OLFML2A: variants seen among roughly 807,000 people sequenced by gnomAD.
OLFML2A encodes the protein olfactomedin like 2A, also known as olfactomedin-like protein 2A.
In OLFML2A, 47 loss-of-function variants were observed where a neutral mutation model predicts 60.9. The observed-to-expected ratio is 0.77, with a 90% CI of 0.61 to 0.98. The LOEUF is 0.98. OLFML2A is among the 50% of genes least tolerant of loss of function. The probability of loss-of-function intolerance (pLI) is 0.00; values close to 1 mark genes in which losing one functional copy is unlikely to be tolerated. For missense variants in OLFML2A, 922 were observed against 879.8 expected, an observed-to-expected ratio of 1.05 and a Z score of -0.61; for synonymous variants, 372 against 375.0, an observed-to-expected ratio of 0.99 and a Z score of 0.09.
At chr9:124,800,508 C>T (rs1289034040) in intron 4 of OLFML2A, among the ~76,000 whole-genome samples, 1 of 152,228 alleles carries the variant, frequency 6.6e-6, no homozygotes, top group Non-Finnish European at 1.5e-5. Context: ...GCCAGGTCTG[C>T]GTGACTGCCA....
chr9:124,809,246 A>G (rs1411001659), intron 7 of OLFML2A, among the ~76,000 whole-genome samples: 11 of 152,186 alleles, frequency 7.2e-5, no homozygotes, highest in African/African-American at 2.2e-4. Context: ...CTTTCTGCTC[A>G]AGCAGCGCAC....
chr9:124,809,627 C>G (rs568815588), intron 7 of OLFML2A, among the ~76,000 whole-genome samples, 181 bp from the exon 8 acceptor site: 2 of 151,596 alleles, frequency 1.3e-5, no homozygotes, highest in Non-Finnish European at 2.9e-5. Context: ...GATGGGATGA[C>G]GATAGACCTC....
rs180917685 is a variant in OLFML2A at position 124,807,992 on chromosome 9, G to A, written c.1354+26G>A. On this transcript the variant is annotated intron_variant, in intron 7 of 7. Coordinates refer to ENST00000373580, the MANE Select transcript of OLFML2A (RefSeq NM_182487.4). ...GTCAGGGACCCCCGGAGGTGGAGAGGGGGCTGGGTATGGACAACCTGGGGA... is the reference window on the plus strand; with the variant it reads ...GTCAGGGACCCCCGGAGGTGGAGAGAGGGCTGGGTATGGACAACCTGGGGA... The A allele has an allele frequency of 1.9e-5, 31 of 1,600,862 alleles. No individual in the cohort carries two copies. The East Asian group carries it at 5.8e-4, about 30-fold the overall frequency.
At chr9:124,792,581 C>T (rs1841588519) in intron 2 of OLFML2A, among the ~76,000 whole-genome samples, 1 of 152,172 alleles carries the variant, frequency 6.6e-6, no homozygotes, top group Non-Finnish European at 1.5e-5. Flanking sequence ...ATGGAGGGGT[C>T]AGATGCCAGA....
intron 7 of OLFML2A, among the ~76,000 whole-genome samples, 185 bp downstream of exon 7, chr9:124,808,151 C>T (rs117962799): frequency 0.02 from 3,022 of 152,322 alleles, 44 homozygotes; most frequent in Non-Finnish European, 0.032. Flanking sequence ...CCAGACAGAC[C>T]CCATGGCACC....
At position 124,777,300 on chromosome 9, in the gene OLFML2A, G is replaced by T; in HGVS notation, c.30G>T (p.Pro10=). 1 of 1,282,648 alleles carries T rather than the reference G, an allele frequency of 7.8e-7. No homozygotes were observed. The highest frequency in any genetic ancestry group is 3.2e-5 in the East Asian group (1 of 31,170). 79.5% of individuals were successfully genotyped at this position (1,282,648 alleles called of 1,614,324 possible). A position where few individuals can be genotyped will look rare whatever the true frequency, so the allele number is the denominator to read the frequency against. The change falls in exon 1 of 8, where the codon CCG becomes CCT. Residue 10 remains proline (P), a synonymous_variant. Transcript: ENST00000373580. This position sits in a 1 kb window ranked among gnomAD's most constrained non-coding sequence, Gnocchi z 6.2. ...CCGCTGCCGCCCTCCCGCCCCGGCC[G>T]CTGCTCCTTCTGCCGCTAGTGCTGC... MAAAALPPR[P]LLLLPLVLLL... is the part of the protein sequence containing the mutation.
chr9:124,801,053 T>C (rs1161833216), intron 4 of OLFML2A: 14 of 1,551,398 alleles, frequency 9.0e-6, no homozygotes, highest in Non-Finnish European at 1.2e-5. Flanking sequence ...GACCAATGAG[T>C]AAGAGAGACA....
chr9:124,784,943 G>GTTT lies in OLFML2A; in HGVS notation c.91-2006_91-2004dup, dbSNP rs750733365. On this transcript the variant is annotated intron_variant, in intron 1 of 7. Coordinates refer to ENST00000373580, the MANE Select transcript of OLFML2A (RefSeq NM_182487.4). ...AATCAGTACTGCATTCCTTTTACTT[G>GTTT]TTTTTTTTTTTTTTTTTTTTTTTTT... is the stretch of plus-strand genomic sequence containing the variant. Among the ~76,000 whole-genome samples, 12 of 69,594 alleles carry GTTT rather than the reference G, an allele frequency of 1.7e-4. 1 individual carries two copies. The highest frequency in any genetic ancestry group is 5.2e-4 in the African/African-American group (8 of 15,454). 45.7% of individuals were successfully genotyped at this position (69,594 alleles called of 152,430 possible). A position where few individuals can be genotyped will look rare whatever the true frequency, so the allele number is the denominator to read the frequency against.
intron 2 of OLFML2A, among the ~76,000 whole-genome samples, chr9:124,787,516 G>A (rs1841498094): frequency 1.1e-5 from 1 of 87,458 alleles, no homozygotes; most frequent in Non-Finnish European, 2.5e-5. Flanking sequence ...TTGTGGCAGT[G>A]GGTTGTTTTT....
rs116925909 is a variant in OLFML2A, at chr9:124,810,025, C to T, written c.1572C>T (p.Ala524=). ...GCGGACACTCGGACATTGACTTTGC[C>T]GTGGACGAGAGCGGCCTGTGGGTCA... ...KWRGHSDIDF[A]VDESGLWVIY... is the part of the protein sequence containing the mutation. The change falls in exon 8 of 8, where the codon GCC becomes GCT. Residue 524 remains alanine, a synonymous_variant. Transcript: ENST00000373580. 1.6e-3 allele frequency: 2,613 copies of T among 1,614,044 alleles called. 11 individuals carry two copies. The highest frequency in any genetic ancestry group is 2.9e-3 in the Admixed American group (172 of 60,022).
intron 1 of OLFML2A, among the ~76,000 whole-genome samples, chr9:124,782,149 A>G (rs1284503182): frequency 1.3e-5 from 2 of 152,140 alleles, no homozygotes; most frequent in African/African-American, 4.8e-5. Context: ...CCCCCTCTCT[A>G]CAGACCCATC....
chr9:124,777,220 G>C lies in OLFML2A; in HGVS notation c.-51G>C, dbSNP rs1430952788. The stretch of plus-strand genomic sequence containing the variant: ...GCGCGGAGCTCGCAGTGCAGCCCGC[G>C]CTTCCCAGCGTCCGTGCCCGGCCGC... On this transcript the variant is annotated 5_prime_UTR_variant, in exon 1 of 8. Transcript: ENST00000373580. This position sits in a 1 kb window ranked among gnomAD's most constrained non-coding sequence, Gnocchi z 6.2. 2.8e-6 allele frequency: 2 copies of C among 712,310 alleles called. No homozygotes were observed. Among genetic ancestry groups the C allele is most frequent in the South Asian group, 6.7e-5 (1 of 14,890 alleles). The allele number at this position is 712,310 out of a possible 1,614,324, so 44.1% of individuals were successfully genotyped here.
chr9:124,787,099 A>C lies in OLFML2A; in HGVS notation c.215A>C (p.Glu72Ala), dbSNP rs755614446. The change falls in exon 2 of 8, where the codon GAG (glutamate) becomes GCG (alanine). Residue 72 changes from glutamate to alanine, a missense_variant. Coordinates refer to ENST00000373580, the MANE Select transcript of OLFML2A (RefSeq NM_182487.4). Reference sequence around the variant, plus strand: ...GTGCGCAGTGGGCGGGCACGCGTGGAGGACTTCTACACGGTGGAGACTGTG... The same window carrying C: ...GTGCGCAGTGGGCGGGCACGCGTGGCGGACTTCTACACGGTGGAGACTGTG... ...SRVRSGRARVEDFYTVETVSS... is the reference protein window; with the variant it reads ...SRVRSGRARVADFYTVETVSS... The C allele has an allele frequency of 7.2e-5, 116 of 1,614,088 alleles. No homozygotes were observed. The highest frequency in any genetic ancestry group is 1.3e-4 in the Admixed American group (8 of 60,008).
chr9:124,813,993 G>A lies in OLFML2A; in HGVS notation c.*3581G>A, dbSNP rs1842070490. Reference sequence around the variant, plus strand: ...GACCTCGTCTACAAAGGCAAAGGAAGGCAAAGGAAGCTGTCTCGGGTGTTT... The same window carrying A: ...GACCTCGTCTACAAAGGCAAAGGAAAGCAAAGGAAGCTGTCTCGGGTGTTT... On this transcript the variant is annotated 3_prime_UTR_variant, in exon 8 of 8. Transcript: ENST00000373580. 6.6e-6 allele frequency: 1 copy of A among 152,274 alleles called. No individual in the cohort carries two copies. The highest frequency in any genetic ancestry group is 2.4e-5 in the African/African-American group (1 of 41,440). The allele number at this position is 152,274 out of a possible 1,614,324, so 9.4% of individuals were successfully genotyped here.
Position 124,801,625 on chromosome 9 carries a change from A to T in OLFML2A, c.881A>T (p.Tyr294Phe). The change falls in exon 5 of 8, where the codon TAC becomes TTC. Residue 294 changes from tyrosine (Y) to phenylalanine (F), a missense_variant. Coordinates refer to ENST00000373580, the MANE Select transcript of OLFML2A (RefSeq NM_182487.4). ...QQAVIRGFTY[Y>F]KAGKQEVTEA... ...GCTGTGATCCGGGGCTTCACCTACT[A>T]CAAGGCAGGCAAGCAGGAGGTGACC... is the stretch of plus-strand genomic sequence containing the variant. 6.2e-7 allele frequency: 1 copy of T among 1,613,710 alleles called. No homozygotes were observed. Among genetic ancestry groups the T allele is most frequent in the East Asian group, 2.2e-5 (1 of 44,862 alleles).
chr9:124,807,763 C>G lies in OLFML2A; in HGVS notation c.1169-18C>G, dbSNP rs1443250418. On this transcript the variant is annotated intron_variant, in intron 6 of 7. Coordinates refer to ENST00000373580, the MANE Select transcript of OLFML2A (RefSeq NM_182487.4). ...TTGGGGGTCTGTGTACCGATGCTGC[C>G]TGCCCTCCTCCCCACAGGCAGAGAG... 6.2e-7 allele frequency: 1 copy of G among 1,601,028 alleles called. No individual in the cohort carries two copies. Among genetic ancestry groups the G allele is most frequent in the Non-Finnish European group, 8.5e-7 (1 of 1,175,302 alleles).
In OLFML2A at chr9:124,799,497, G is replaced by A. The variant is rs1841733918; in HGVS notation, c.669+6G>A. The A allele has an allele frequency of 8.9e-6, 14 of 1,576,834 alleles. 1 individual carries two copies. The highest frequency in any genetic ancestry group is 1.1e-5 in the Non-Finnish European group (13 of 1,161,152). On this transcript the variant is annotated splice_donor_region_variant and intron_variant, in intron 4 of 7. Transcript: ENST00000373580. ...GCACTGGTAGCAAGGCCCAGGTGAG[G>A]CCCCAGCTCTGATCATGGGGCCGGA... is the stretch of plus-strand genomic sequence containing the variant.
At chr9:124,796,797 T>A (rs558640947) in intron 3 of OLFML2A, among the ~76,000 whole-genome samples, 1 of 152,284 alleles carries the variant, frequency 6.6e-6, no homozygotes, top group Non-Finnish European at 1.5e-5. Flanking sequence ...GCTGGAGACA[T>A]TTTTGGTTGT....
chr9:124,809,148 C>G (rs957194814), intron 7 of OLFML2A, among the ~76,000 whole-genome samples: 1 of 152,002 alleles, frequency 6.6e-6, no homozygotes, highest in South Asian at 2.1e-4. Flanking sequence ...GCCTGGATGA[C>G]AGAGAGAGAC....
Sources: gnomAD v4.1 joint callset for allele counts (sites outside exome capture counted in the v4.1 genomes callset) on GRCh38, gnomAD v4.1.1 for gene constraint, Gnocchi (gnomAD v3.1) non-coding constraint, MANE v1.5 for transcripts, NCBI Gene and HGNC (gene_info 2026-07-23, HGNC 2026-07-21) for gene names.